The following ANKRD13C variants were observed in gnomAD, a reference collection of about 807,000 sequenced individuals.
The protein encoded by ANKRD13C is ankyrin repeat domain-containing protein 13C.
A neutral mutation model predicts 65.5 loss-of-function variants in ANKRD13C; 16 were observed. The observed-to-expected ratio is 0.24, with a 90% CI of 0.17 to 0.37. ANKRD13C has a LOEUF of 0.37. ANKRD13C is among the 10% of genes least tolerant of loss of function. The pLI is 1.00. For synonymous variants in ANKRD13C, 235 were observed against 238.7 expected (o/e 0.98, Z 0.14); for missense variants, 503 against 655.9 (o/e 0.77, Z 2.55).
chr1:70,309,690 T>G lies in ANKRD13C; in HGVS notation c.710-3400A>C, dbSNP rs1395870157. On this transcript the variant is annotated intron_variant, in intron 5 of 12. Transcript: ENST00000370944. ...GCAGTGAGCCGAGATCGCGCTAGCC[T>G]GGGCGACAGAGCCAGACTCCGTCGC... 1.1e-4 allele frequency among the ~76,000 whole-genome samples: 16 copies of G among 143,198 alleles called. No individual in the cohort carries two copies. The South Asian group carries it at 2.4e-3, about 22-fold the overall frequency. The allele number at this position is 143,198 out of a possible 152,430, so 93.9% of individuals were successfully genotyped here. A position where few individuals can be genotyped will look rare whatever the true frequency, so the allele number is the denominator to read the frequency against.
At chr1:70,290,090 T>C (rs1156854964) in intron 9 of ANKRD13C, among the ~76,000 whole-genome samples, 1 of 152,068 alleles carries the variant, frequency 6.6e-6, no homozygotes, top group African/African-American at 2.4e-5. Flanking sequence ...GAAGAAAAAT[T>C]AGGAGCACAA....
At chr1:70,335,035 A>G (rs1681960164) in intron 2 of ANKRD13C, among the ~76,000 whole-genome samples, 2 of 152,214 alleles carry the variant, frequency 1.3e-5, no homozygotes, top group African/African-American at 2.4e-5. Flanking sequence ...GTTCATAATG[A>G]TACTTCTAGA....
At chr1:70,324,314 A>G (rs991039088) in intron 3 of ANKRD13C, among the ~76,000 whole-genome samples, 2 of 152,232 alleles carry the variant, frequency 1.3e-5, no homozygotes, top group Admixed American at 1.3e-4. Flanking sequence ...GAAGTTGAAA[A>G]AAATTCTGGG....
intron 12 of ANKRD13C, among the ~76,000 whole-genome samples, chr1:70,267,899 C>CAGA (rs1411043215): frequency 6.6e-6 from 1 of 152,148 alleles, no homozygotes; most frequent in Non-Finnish European, 1.5e-5. Context: ...TATCTCCCTT[C>CAGA]ATGTCCCTAT....
chr1:70,309,239 A>C (rs1680730410), intron 5 of ANKRD13C, among the ~76,000 whole-genome samples: 3 of 151,330 alleles, frequency 2.0e-5, no homozygotes, highest in African/African-American at 7.3e-5. Context: ...ATGTCCACCT[A>C]ATTTTTGTAT....
chr1:70,295,718 G>C (rs1310870650), intron 8 of ANKRD13C, among the ~76,000 whole-genome samples: 1 of 151,976 alleles, frequency 6.6e-6, no homozygotes, highest in Non-Finnish European at 1.5e-5. Flanking sequence ...CATATGTATA[G>C]AATACAAGAA....
chr1:70,267,009 A>G (rs960702586), intron 12 of ANKRD13C, among the ~76,000 whole-genome samples: 15 of 152,298 alleles, frequency 9.8e-5, no homozygotes, highest in African/African-American at 2.2e-4. Flanking sequence ...TGTTATATCA[A>G]TTGTTGAGAG....
At chr1:70,333,322 T>G (rs1681888648) in intron 2 of ANKRD13C, among the ~76,000 whole-genome samples, 1 of 151,922 alleles carries the variant, frequency 6.6e-6, no homozygotes, top group Admixed American at 6.6e-5. Flanking sequence ...CCAATGTTCT[T>G]TGAAAAAAAA....
At chr1:70,310,537 G>T (rs893018093) in intron 5 of ANKRD13C, among the ~76,000 whole-genome samples, 1 of 152,150 alleles carries the variant, frequency 6.6e-6, no homozygotes, top group Non-Finnish European at 1.5e-5. Flanking sequence ...AACTGTCTCA[G>T]TGGTTACTTG....
At chr1:70,308,361 A>G (rs1680678396) in intron 5 of ANKRD13C, among the ~76,000 whole-genome samples, 1 of 152,030 alleles carries the variant, frequency 6.6e-6, no homozygotes, top group South Asian at 2.1e-4. Flanking sequence ...ATACACTAAT[A>G]CTTTTATTAA....
At position 70,274,653 on chromosome 1, in the gene ANKRD13C, ATAT is replaced by A. The variant is rs1679052671; in HGVS notation, c.1394+64_1394+66del. The A allele has an allele frequency of 6.5e-6, 8 of 1,228,052 alleles. No homozygotes were observed. In the South Asian group the frequency reaches 7.4e-5, roughly 11 times the overall value. 76.1% of individuals were successfully genotyped at this position (1,228,052 alleles called of 1,614,324 possible). A position where few individuals can be genotyped will look rare whatever the true frequency, so the allele number is the denominator to read the frequency against. On this transcript the variant is annotated intron_variant, in intron 11 of 12. Transcript: ENST00000370944. ...TCTCAAATGCACCACTGGGGTGCAA[ATAT>A]TATTACAGCCTTTAGGGTTTAATAG...
In ANKRD13C at chr1:70,354,603, G is replaced by GCGCT; in HGVS notation, c.-199_-196dup. On this transcript the variant is annotated 5_prime_UTR_variant, in exon 1 of 13. Transcript: ENST00000370944. ...CTCTCGCCTAGGCACGAAGGGACGC[G>GCGCT]CGCTCGCTGGGGGAAGCTAGAACTC... 1 of 1,316,242 alleles carries GCGCT rather than the reference G, an allele frequency of 7.6e-7. No individual in the cohort carries two copies. Among genetic ancestry groups the GCGCT allele is most frequent in the Non-Finnish European group, 1.0e-6 (1 of 992,888 alleles). 81.5% of individuals were successfully genotyped at this position (1,316,242 alleles called of 1,614,324 possible).
Position 70,318,538 on chromosome 1 carries a change from T to C in ANKRD13C, c.578-2972A>G, listed in dbSNP as rs115091940. On this transcript the variant is annotated intron_variant, in intron 3 of 12. Coordinates refer to ENST00000370944, the MANE Select transcript of ANKRD13C (RefSeq NM_030816.5). ...CAAATCTAACACAAATTAAAGACCA[T>C]ACTGCTCTTGCTCCTATAGTCTATA... Among the ~76,000 whole-genome samples, 295 of 152,240 alleles carry C rather than the reference T, an allele frequency of 1.9e-3. 2 individuals carry two copies. Among genetic ancestry groups the C allele is most frequent in the African/African-American group, 6.7e-3 (278 of 41,540 alleles).
At chr1:70,321,224 A>G (rs933738206) in intron 3 of ANKRD13C, among the ~76,000 whole-genome samples, 14 of 152,250 alleles carry the variant, frequency 9.2e-5, no homozygotes, top group Non-Finnish European at 1.3e-4. Flanking sequence ...TATATTATCA[A>G]GATACACAGA....
intron 8 of ANKRD13C, among the ~76,000 whole-genome samples, chr1:70,294,074 A>C (rs949790896): frequency 6.6e-6 from 1 of 152,228 alleles, no homozygotes. Context: ...AAAAGAGTGA[A>C]CTAGCACTAC....
chr1:70,337,930 T>C (rs1224539632), intron 1 of ANKRD13C, among the ~76,000 whole-genome samples: 1 of 152,056 alleles, frequency 6.6e-6, no homozygotes, highest in East Asian at 1.9e-4. Flanking sequence ...AGAAGCCCCA[T>C]CTCTACTAAA....
chr1:70,262,842 G>GTA lies in ANKRD13C; in HGVS notation c.1499_1500dup (p.Pro501TyrfsTer11). 6.2e-7 allele frequency: 1 copy of GTA among 1,605,666 alleles called. No homozygotes were observed. Among genetic ancestry groups the GTA allele is most frequent in the Non-Finnish European group, 8.5e-7 (1 of 1,175,306 alleles). Reference sequence around the variant, plus strand: ...GTGGCTGTGATTGTGGGAAACACAGGTATATCTACAGAGAGAACATCAATG... The same window carrying GTA: ...GTGGCTGTGATTGTGGGAAACACAGGTATATATCTACAGAGAGAACATCAATG... On this transcript the variant is annotated frameshift_variant, in exon 13 of 13. Coordinates refer to ENST00000370944, the MANE Select transcript of ANKRD13C (RefSeq NM_030816.5). LOFTEE classifies it high-confidence loss of function.
chr1:70,308,541 G>C (rs1394084042), intron 5 of ANKRD13C, among the ~76,000 whole-genome samples: 15 of 151,612 alleles, frequency 9.9e-5, no homozygotes, highest in African/African-American at 3.4e-4. Flanking sequence ...AGATGAAGAC[G>C]GTCCTGGCTA....
At chr1:70,328,283 G>A (rs1398626153) in intron 2 of ANKRD13C, among the ~76,000 whole-genome samples, 5 of 152,068 alleles carry the variant, frequency 3.3e-5, no homozygotes, top group Non-Finnish European at 5.9e-5. Flanking sequence ...ATCTCAACAG[G>A]CTTAAAGGAA....
Sources: gnomAD v4.1 joint callset for allele counts (sites outside exome capture counted in the v4.1 genomes callset) on GRCh38, gnomAD v4.1.1 for gene constraint, MANE v1.5 for transcripts, NCBI Gene and HGNC (gene_info 2026-07-23, HGNC 2026-07-21) for gene names.